The following NUP155 variants were observed in gnomAD, a reference collection of about 807,000 sequenced individuals.
NUP155 encodes nucleoporin 155, also known as nuclear pore complex protein Nup155.
NUP155 carries 71 observed loss-of-function variants against 180.4 expected under a neutral mutation model. The ratio of observed to expected loss-of-function variants is 0.39; its 90% CI spans 0.33 to 0.48. The LOEUF (loss-of-function observed/expected upper bound fraction) is 0.48. Among genes scored for constraint, NUP155 ranks in the 20% least tolerant of loss-of-function variants. The pLI is 0.91. For synonymous variants in NUP155, 582 were observed against 559.5 expected (o/e 1.04, Z -0.57); for missense variants, 1,553 against 1,648.9 (o/e 0.94, Z 1.01).
Position 37,325,965 on chromosome 5 carries a change from T to C in NUP155, c.2027A>G (p.Asn676Ser), listed in dbSNP as rs1218549737. Residue 676 changes from asparagine to serine, a missense_variant and splice_region_variant, in exon 19 of 35, where the codon AAC becomes AGC. Asn to Ser is a conservative substitution (Grantham distance 46). Coordinates refer to ENST00000231498, the MANE Select transcript of NUP155 (RefSeq NM_153485.3). ...ICIYFSRIMG[N>S]IWDASLVVER... ...CACAACTAAGCTTGCATCCCAAATGTTTCTGGAAAAAAAAAAGTTTTAATG... is the reference window on the plus strand; with the variant it reads ...CACAACTAAGCTTGCATCCCAAATGCTTCTGGAAAAAAAAAAGTTTTAATG... The C allele has an allele frequency of 5.6e-6, 9 of 1,608,378 alleles. No homozygotes were observed. The highest frequency in any genetic ancestry group is 7.6e-6 in the Non-Finnish European group (9 of 1,176,792).
chr5:37,332,407 C>T (rs751670066), intron 13 of NUP155, among the ~76,000 whole-genome samples: 30 of 148,910 alleles, frequency 2.0e-4, no homozygotes, highest in African/African-American at 4.0e-4. Flanking sequence ...CTGCAAGCTC[C>T]GCCTCCCGGG....
chr5:37,364,170 A>C, intron 2 of NUP155, 77 bp downstream of exon 2: 1 of 1,284,176 alleles, frequency 7.8e-7, no homozygotes. Context: ...CACATTAATT[A>C]AACATAGAAC....
intron 32 of NUP155, among the ~76,000 whole-genome samples, chr5:37,295,964 C>A: frequency 6.8e-6 from 1 of 147,214 alleles, no homozygotes; most frequent in East Asian, 2.0e-4. Flanking sequence ...AAGTGAGGAG[C>A]CCCTCTGCCC....
At chr5:37,323,256 G>C (rs1403276676) in intron 20 of NUP155, among the ~76,000 whole-genome samples, 1 of 152,224 alleles carries the variant, frequency 6.6e-6, no homozygotes, top group Admixed American at 6.5e-5. Flanking sequence ...TCGTACTCCA[G>C]CACGGGTGAC....
intron 21 of NUP155, among the ~76,000 whole-genome samples, chr5:37,314,551 T>C (rs1743757123): frequency 6.6e-6 from 1 of 152,174 alleles, no homozygotes; most frequent in East Asian, 1.9e-4. Flanking sequence ...AAAATATTGC[T>C]GTGTGGCTGG....
rs527519211 is a variant in NUP155, at chr5:37,302,532, C to T, written c.3447+247G>A. 2.6e-5 allele frequency among the ~76,000 whole-genome samples: 4 copies of T among 152,360 alleles called. 1 individual carries two copies. In the East Asian group the frequency reaches 7.7e-4, roughly 29 times the overall value. ...TACAGGCGTGAGCCACTGCACCCAG[C>T]TGGGAAAAACCTTTCGAAGTGCCAA... On this transcript the variant is annotated intron_variant, in intron 29 of 34. Coordinates refer to ENST00000231498, the MANE Select transcript of NUP155 (RefSeq NM_153485.3).
chr5:37,338,056 C>A (rs993424226), intron 11 of NUP155, 138 bp from the exon 12 acceptor site: 3 of 596,920 alleles, frequency 5.0e-6, no homozygotes, highest in Non-Finnish European at 8.9e-6. Context: ...CACGGTGGCT[C>A]ATGCCTGTAA....
Position 37,298,732 on chromosome 5 carries a change from G to A in NUP155, c.3793+136C>T. 4 of 664,790 alleles carry A rather than the reference G, an allele frequency of 6.0e-6. No homozygotes were observed. In the South Asian group the frequency reaches 6.8e-5, roughly 11 times the overall value. The allele number at this position is 664,790 out of a possible 1,614,324, so 41.2% of individuals were successfully genotyped here. ...CTGCCATTCTTTGGAAGTCTTTCCG[G>A]AGAGGCAGAATTAAAGTGCTGAACT... On this transcript the variant is annotated intron_variant, in intron 32 of 34. Transcript: ENST00000231498.
rs776569229 is a variant in NUP155, at chr5:37,305,112, G to A, written c.3002C>T (p.Pro1001Leu). Reference sequence around the variant, plus strand: ...ATTTGGATCAGATGACAACACTGGAGGACCAGGTTTTTTGGGTACACTGGG... The same window carrying A: ...ATTTGGATCAGATGACAACACTGGAAGACCAGGTTTTTTGGGTACACTGGG... ...QSPSVPKKPG[P>L]PVLSSDPNML... The change falls in exon 26 of 35, where the codon CCT becomes CTT. Residue 1001 changes from proline (P) to leucine (L), a missense_variant. Pro to Leu is a moderately conservative substitution (Grantham distance 98). Transcript: ENST00000231498. 3 of 1,613,940 alleles carry A rather than the reference G, an allele frequency of 1.9e-6. No homozygotes were observed. Among genetic ancestry groups the A allele is most frequent in the South Asian group, 2.2e-5 (2 of 91,070 alleles).
At chr5:37,294,162 C>A (rs1457750601) in intron 33 of NUP155, among the ~76,000 whole-genome samples, 167 bp downstream of exon 33, 1 of 151,860 alleles carries the variant, frequency 6.6e-6, no homozygotes, top group Non-Finnish European at 1.5e-5. Flanking sequence ...AGGAAAGCAA[C>A]TCTCATTATC....
At chr5:37,364,468 G>T in intron 1 of NUP155, 84 bp from the exon 2 acceptor site, 1 of 1,202,434 alleles carries the variant, frequency 8.3e-7, no homozygotes, top group Non-Finnish European at 1.2e-6. Flanking sequence ...CAAAAAAATT[G>T]TTGTGTGTTG....
At chr5:37,304,618 C>A in intron 27 of NUP155, 121 bp downstream of exon 27, 1 of 750,952 alleles carries the variant, frequency 1.3e-6, no homozygotes, top group Non-Finnish European at 2.3e-6. Context: ...CAGCTTTATA[C>A]TAACATCTAA....
In NUP155 at chr5:37,291,866, A is replaced by G; in HGVS notation, c.*34T>C. 1 of 1,603,950 alleles carries G rather than the reference A, an allele frequency of 6.2e-7. No individual in the cohort carries two copies. Among genetic ancestry groups the G allele is most frequent in the South Asian group, 1.1e-5 (1 of 90,772 alleles). ...GGACCCAGCTGAGTTTTTATTTTAC[A>G]GATCATAAAACGGATGAAAGTATAT... On this transcript the variant is annotated 3_prime_UTR_variant, in exon 35 of 35. Coordinates refer to ENST00000231498, the MANE Select transcript of NUP155 (RefSeq NM_153485.3).
chr5:37,304,782 T>C lies in NUP155; in HGVS notation c.3119A>G (p.Tyr1040Cys), dbSNP rs748018588. The change falls in exon 27 of 35, where the codon TAT becomes TGT. Residue 1040 changes from tyrosine (Y) to cysteine (C), a missense_variant. Transcript: ENST00000231498. ...AAGGTCGACTTGTATTAGCCAATTATAAAGGGCAATACTAAAGAGCTCATC... is the reference window on the plus strand; with the variant it reads ...AAGGTCGACTTGTATTAGCCAATTACAAAGGGCAATACTAAAGAGCTCATC... ...SKDELFSIAL[Y>C]NWLIQVDLAD... The C allele has an allele frequency of 3.1e-6, 5 of 1,613,930 alleles. No homozygotes were observed. The East Asian group carries it at 8.9e-5, about 29-fold the overall frequency.
intron 12 of NUP155, among the ~76,000 whole-genome samples, chr5:37,335,606 A>G (rs1327240893): frequency 2.6e-5 from 4 of 152,152 alleles, no homozygotes; most frequent in South Asian, 2.1e-4. Context: ...ACTTTTGCAC[A>G]TATCTCCTAA....
At chr5:37,351,439 T>C (rs1333912388) in intron 5 of NUP155, 83 bp from the exon 6 acceptor site, 1 of 1,015,764 alleles carries the variant, frequency 9.8e-7, no homozygotes, top group Non-Finnish European at 1.5e-6. Context: ...AGAATCTATA[T>C]GTTTACTCAA....
At chr5:37,342,185 C>T (rs906082123) in intron 10 of NUP155, among the ~76,000 whole-genome samples, 3 of 152,036 alleles carry the variant, frequency 2.0e-5, no homozygotes, top group East Asian at 1.9e-4. Context: ...ACTACAAGGC[C>T]GTGCCATCAC....
At chr5:37,330,591 C>G (rs988219537) in intron 14 of NUP155, among the ~76,000 whole-genome samples, 2 of 152,112 alleles carry the variant, frequency 1.3e-5, no homozygotes, top group Admixed American at 1.3e-4. Context: ...ATTTTTAACA[C>G]AGGTGCTTTG....
chr5:37,339,868 A>G (rs1745596320), intron 11 of NUP155, among the ~76,000 whole-genome samples: 1 of 152,048 alleles, frequency 6.6e-6, no homozygotes, highest in African/African-American at 2.4e-5. Flanking sequence ...AGTTCAAGCG[A>G]TTCTCTTGCC....
Sources: allele counts gnomAD v4.1 joint callset (sites outside exome capture counted in the v4.1 genomes callset), GRCh38; gene constraint gnomAD v4.1.1; transcripts MANE v1.5; gene names NCBI Gene and HGNC (gene_info 2026-07-23, HGNC 2026-07-21).